SOX6: variants seen among roughly 807,000 people sequenced by gnomAD.
SOX6 encodes the protein transcription factor SOX-6.
A neutral mutation model predicts 97.8 loss-of-function variants in SOX6; 11 were observed. The observed-to-expected ratio is 0.11, with a 90% CI of 0.07 to 0.19. SOX6 has a LOEUF of 0.19. Ranked by LOEUF, SOX6 falls within the 10% of genes least tolerant of loss-of-function variation. The probability of loss-of-function intolerance (pLI) is 1.00; values close to 1 mark genes in which losing one functional copy is unlikely to be tolerated. For missense variants in SOX6, 810 were observed against 1,039.5 expected, an observed-to-expected ratio of 0.78 and a Z score of 3.04; for synonymous variants, 360 against 371.4, an observed-to-expected ratio of 0.97 and a Z score of 0.35.
chr11:16,367,006 T>TA (rs1303064215), intron 1 of SOX6, among the ~76,000 whole-genome samples: 1 of 152,202 alleles, frequency 6.6e-6, no homozygotes, highest in Non-Finnish European at 1.5e-5. Flanking sequence ...ACTGCTCATA[T>TA]AGATGGTACA....
At chr11:16,038,631 C>T (rs1321273172) in intron 12 of SOX6, among the ~76,000 whole-genome samples, 1 of 152,022 alleles carries the variant, frequency 6.6e-6, no homozygotes, top group African/African-American at 2.4e-5. Flanking sequence ...ATTAGCATAA[C>T]AGTGATAAAG....
At chr11:16,467,790 T>TA (rs775311390) in intron 1 of SOX6, among the ~76,000 whole-genome samples, 1 of 148,704 alleles carries the variant, frequency 6.7e-6, no homozygotes, top group Non-Finnish European at 1.5e-5. Flanking sequence ...ACTTAAAAGT[T>TA]AAAAACAAAC....
chr11:16,712,510 G>A (rs544145187), intron 3 of SOX6, among the ~76,000 whole-genome samples: 15 of 152,146 alleles, frequency 9.9e-5, no homozygotes, highest in African/African-American at 3.1e-4. Context: ...GTGATGTTGA[G>A]CATTTTTTCA....
At chr11:16,198,585 G>T (rs1195758554) in intron 4 of SOX6, among the ~76,000 whole-genome samples, 1 of 152,198 alleles carries the variant, frequency 6.6e-6, no homozygotes, top group Non-Finnish European at 1.5e-5. Flanking sequence ...GCCTCATAAG[G>T]AATATAATAC....
chr11:16,517,099 G>T (rs1860986738), intron 4 of SOX6, among the ~76,000 whole-genome samples: 2 of 151,090 alleles, frequency 1.3e-5, no homozygotes, highest in Non-Finnish European at 2.9e-5. Flanking sequence ...CTCAATAGAT[G>T]CAGAAAAGGC....
Position 16,187,695 on chromosome 11 carries a change from A to T in SOX6, c.536-740T>A, listed in dbSNP as rs982275961. ...AAGGTTGAAAAGGTTATGCATAAGG[A>T]TATGCTGTTTAATGAATATGATGTC... On this transcript the variant is annotated intron_variant, in intron 4 of 15. Coordinates refer to ENST00000683767, the MANE Select transcript of SOX6 (RefSeq NM_001367873.1). Among the ~76,000 whole-genome samples, 8 of 152,142 alleles carry T rather than the reference A, an allele frequency of 5.3e-5. No individual in the cohort carries two copies. The South Asian group carries it at 6.2e-4, about 12-fold the overall frequency.
At chr11:16,162,132 T>G (rs1589985770) in intron 6 of SOX6, among the ~76,000 whole-genome samples, 1 of 152,318 alleles carries the variant, frequency 6.6e-6, no homozygotes, top group South Asian at 2.1e-4. Context: ...TAGAAATCTG[T>G]GGAAATTTCC....
chr11:16,658,912 A>T (rs969838900), intron 3 of SOX6, among the ~76,000 whole-genome samples: 4 of 152,004 alleles, frequency 2.6e-5, no homozygotes, highest in Non-Finnish European at 4.4e-5. Flanking sequence ...TTCCTTTTTT[A>T]AAAAAAGAAG....
chr11:16,736,355 A>G (rs1395544633), exon 2 of SOX6: 1 of 152,218 alleles, frequency 6.6e-6, no homozygotes, highest in Non-Finnish European at 1.5e-5. Flanking sequence ...CCTTCTGTAT[A>G]TGAAACTGAG....
At chr11:16,006,752 T>C (rs1399331087) in intron 13 of SOX6, among the ~76,000 whole-genome samples, 3 of 152,110 alleles carry the variant, frequency 2.0e-5, no homozygotes, top group Non-Finnish European at 4.4e-5. Context: ...TATACTAAGC[T>C]TGTAATCCCA....
At chr11:16,100,680 C>A (rs1484178336) in intron 7 of SOX6, among the ~76,000 whole-genome samples, 1 of 151,064 alleles carries the variant, frequency 6.6e-6, no homozygotes, top group Non-Finnish European at 1.5e-5. Flanking sequence ...TAAGAACCTA[C>A]AACCCATTAG....
Position 16,679,244 on chromosome 11 carries a change from C to T in SOX6, n.429+35586G>A, listed in dbSNP as rs994242321. Among the ~76,000 whole-genome samples, 3 of 152,146 alleles carry T rather than the reference C, an allele frequency of 2.0e-5. No individual in the cohort carries two copies. In the South Asian group the frequency reaches 6.2e-4, roughly 32 times the overall value. The stretch of plus-strand genomic sequence containing the variant: ...ACACCTCATACAGGTGGGTGCCCCT[C>T]TGGGATGAAGCTTCCAGAGGAAGGA... On this transcript the variant is annotated intron_variant and non_coding_transcript_variant, in intron 3 of 5. Transcript: ENST00000524520.
intron 4 of SOX6, among the ~76,000 whole-genome samples, chr11:16,608,602 A>T (rs933871503): frequency 1.3e-5 from 2 of 152,070 alleles, no homozygotes; most frequent in Admixed American, 6.5e-5. Flanking sequence ...AGGCGTTGAA[A>T]AAAAAAAAAG....
At chr11:16,556,448 C>T (rs760113034) in intron 4 of SOX6, among the ~76,000 whole-genome samples, 24 of 151,710 alleles carry the variant, frequency 1.6e-4, no homozygotes, top group African/African-American at 1.2e-4. Context: ...CAACTTCGTC[C>T]CTTGGCCCAA....
intron 6 of SOX6, among the ~76,000 whole-genome samples, chr11:16,156,662 T>C (rs1463565083): frequency 2.0e-5 from 3 of 151,962 alleles, no homozygotes; most frequent in Non-Finnish European, 2.9e-5. Flanking sequence ...CCTTGCTCTT[T>C]CTACTCCATC....
At chr11:16,493,469 G>A (rs1860541814) in intron 4 of SOX6, among the ~76,000 whole-genome samples, 1 of 152,134 alleles carries the variant, frequency 6.6e-6, no homozygotes, top group Non-Finnish European at 1.5e-5. Context: ...AGGTAATGAT[G>A]TTTTTTCCCT....
intron 3 of SOX6, among the ~76,000 whole-genome samples, chr11:16,283,569 T>C (rs2134246375): frequency 6.6e-6 from 1 of 151,874 alleles, no homozygotes; most frequent in East Asian, 1.9e-4. Context: ...AACACTAACA[T>C]AAGAAAACCC....
At chr11:16,221,854 G>A (rs1852548157) in intron 4 of SOX6, among the ~76,000 whole-genome samples, 2 of 152,048 alleles carry the variant, frequency 1.3e-5, no homozygotes, top group Admixed American at 1.3e-4. Flanking sequence ...ATCATGCATG[G>A]AGTAAAAGAT....
intron 2 of SOX6, among the ~76,000 whole-genome samples, chr11:16,719,379 G>T (rs962467589): frequency 6.6e-6 from 1 of 152,078 alleles, no homozygotes; most frequent in Non-Finnish European, 1.5e-5. Context: ...AATCAAAGAT[G>T]ATCAAAAGTA....
Sources: gnomAD v4.1 joint callset for allele counts (sites outside exome capture counted in the v4.1 genomes callset) on GRCh38, gnomAD v4.1.1 for gene constraint, MANE v1.5 for transcripts, NCBI Gene and HGNC (gene_info 2026-07-23, HGNC 2026-07-21) for gene names.